Variants in MARCHF1 observed in about 807,000 individuals in gnomAD.
MARCHF1 encodes E3 ubiquitin-protein ligase MARCHF1.
In MARCHF1, 40 loss-of-function variants were observed where a neutral mutation model predicts 54.2. The ratio of observed to expected loss-of-function variants is 0.74; its 90% CI spans 0.57 to 0.96. The LOEUF is 0.96. Among genes scored for constraint, MARCHF1 ranks in the 40% least tolerant of loss-of-function variants. The pLI is 0.00. For synonymous variants in MARCHF1, 236 were observed against 236.3 expected (o/e 1.00, Z 0.01); for missense variants, 586 against 656.5 (o/e 0.89, Z 1.17).
At chr4:164,250,173 C>T (rs966567958) in intron 1 of MARCHF1, among the ~76,000 whole-genome samples, 11 of 151,890 alleles carry the variant, frequency 7.2e-5, no homozygotes, top group Admixed American at 6.6e-4. Context: ...CAGAGCAGAT[C>T]CAAGATAGAT....
At chr4:163,608,159 C>T (rs1309374151) in intron 7 of MARCHF1, among the ~76,000 whole-genome samples, 2 of 152,080 alleles carry the variant, frequency 1.3e-5, no homozygotes, top group Admixed American at 6.6e-5. Flanking sequence ...CATAATAATG[C>T]CTATATTTTA....
chr4:163,620,596 CACACACACACAGAGAGAGAGAGAGAGAG>C (rs1455798106), intron 5 of MARCHF1, among the ~76,000 whole-genome samples: 3,216 of 89,006 alleles, frequency 0.036, 84 homozygotes, highest in East Asian at 0.11. Flanking sequence ...CACACACACA[CACACACACACAGAGAGAGAGAGAGAGAG>C]AGAGAGAGAG....
chr4:163,946,004 A>T (rs989812234), intron 3 of MARCHF1, among the ~76,000 whole-genome samples: 27 of 150,822 alleles, frequency 1.8e-4, no homozygotes, highest in Non-Finnish European at 3.8e-4. Context: ...AGTGCATTTA[A>T]AAAAAAAACA....
chr4:163,530,464 T>G (rs561722128), intron 9 of MARCHF1: 26 of 152,072 alleles, frequency 1.7e-4, no homozygotes, highest in African/African-American at 5.8e-4. Flanking sequence ...GCTTATCCAG[T>G]TTTTCTGAAG....
intron 1 of MARCHF1, among the ~76,000 whole-genome samples, chr4:164,152,241 G>T (rs1395505938): frequency 6.6e-6 from 1 of 152,148 alleles, no homozygotes; most frequent in East Asian, 1.9e-4. Flanking sequence ...TGATGTAGAG[G>T]AGATTACTTT....
At chr4:163,586,246 G>C (rs1740409033) in intron 7 of MARCHF1, among the ~76,000 whole-genome samples, 1 of 152,056 alleles carries the variant, frequency 6.6e-6, no homozygotes, top group African/African-American at 2.4e-5. Context: ...ACCTTGAAGG[G>C]AAAAGTAAAA....
intron 4 of MARCHF1, among the ~76,000 whole-genome samples, chr4:163,821,464 T>C (rs1283737258): frequency 6.6e-6 from 1 of 151,900 alleles, no homozygotes; most frequent in Non-Finnish European, 1.5e-5. Context: ...TAAAGACAAA[T>C]AAATTTCAAT....
intron 1 of MARCHF1, among the ~76,000 whole-genome samples, chr4:164,199,655 CACACACACACACACACACACACACACAG>C (rs1236416552): frequency 1.4e-5 from 1 of 71,716 alleles, no homozygotes; most frequent in African/African-American, 5.8e-5. Context: ...CACACACACA[CACACACACACACACACACACACACACAG>C]AGAGAGAGAG....
At chr4:163,963,904 C>A (rs768140822) in intron 3 of MARCHF1, among the ~76,000 whole-genome samples, 4 of 151,952 alleles carry the variant, frequency 2.6e-5, no homozygotes, top group African/African-American at 4.8e-5. Flanking sequence ...CTAGCTCCAG[C>A]TACAATCCCA....
intron 3 of MARCHF1, among the ~76,000 whole-genome samples, chr4:163,918,223 G>A (rs933930801): frequency 2.0e-5 from 3 of 152,028 alleles, no homozygotes; most frequent in Non-Finnish European, 2.9e-5. Context: ...TCTTATTTCC[G>A]AGCTCTGTAT....
intron 2 of MARCHF1, among the ~76,000 whole-genome samples, chr4:163,991,082 A>G (rs1752959487): frequency 6.6e-6 from 1 of 152,138 alleles, no homozygotes; most frequent in Non-Finnish European, 1.5e-5. Flanking sequence ...GAGTTATTTC[A>G]ATTAGCTTTC....
Position 164,216,706 on chromosome 4 carries a change from A to G in MARCHF1, c.-322-105044T>C, listed in dbSNP as rs560226387. Among the ~76,000 whole-genome samples the G allele has an allele frequency of 1.8e-4, 28 of 152,260 alleles. 1 individual carries two copies. The East Asian group carries it at 4.3e-3, about 23-fold the overall frequency. Reference sequence around the variant, plus strand: ...GAGCTCATACTCTGTGTTTTTACCAATTTGAAAAATAAAGGAGTTATCTAT... The same window carrying G: ...GAGCTCATACTCTGTGTTTTTACCAGTTTGAAAAATAAAGGAGTTATCTAT... On this transcript the variant is annotated intron_variant, in intron 1 of 9. Transcript: ENST00000514618.
intron 4 of MARCHF1, among the ~76,000 whole-genome samples, chr4:163,837,458 T>C (rs1033908164): frequency 2.0e-5 from 3 of 152,120 alleles, no homozygotes; most frequent in African/African-American, 7.2e-5. Context: ...AACTTAAATA[T>C]AATGACAGAG....
At chr4:163,870,419 T>C (rs970047034) in intron 3 of MARCHF1, among the ~76,000 whole-genome samples, 1 of 152,140 alleles carries the variant, frequency 6.6e-6, no homozygotes, top group Non-Finnish European at 1.5e-5. Context: ...CTGCAGAATA[T>C]ACAAGTTTTC....
chr4:164,378,437 T>A (rs1029998567), intron 1 of MARCHF1, among the ~76,000 whole-genome samples: 1 of 152,230 alleles, frequency 6.6e-6, no homozygotes, highest in Admixed American at 6.5e-5. Context: ...GCTAAGACAC[T>A]GAGAAGGAAG....
At chr4:164,273,639 T>G (rs570507671) in intron 1 of MARCHF1, among the ~76,000 whole-genome samples, 61 of 152,236 alleles carry the variant, frequency 4.0e-4, no homozygotes, top group Non-Finnish European at 6.5e-4. Context: ...AATTAACTTC[T>G]AACATACAAA....
intron 8 of MARCHF1, among the ~76,000 whole-genome samples, chr4:163,577,295 G>T (rs1483014195): frequency 1.3e-5 from 2 of 151,990 alleles, no homozygotes; most frequent in African/African-American, 4.8e-5. Flanking sequence ...TTCCCTTAGT[G>T]CTTGCTTGTT....
At chr4:164,282,183 A>G (rs932710697) in intron 1 of MARCHF1, among the ~76,000 whole-genome samples, 4 of 150,724 alleles carry the variant, frequency 2.7e-5, no homozygotes, top group African/African-American at 9.7e-5. Flanking sequence ...CCTGCCCTCA[A>G]CTACTACTTC....
chr4:164,156,188 T>C (rs895634081), intron 1 of MARCHF1, among the ~76,000 whole-genome samples: 4 of 152,184 alleles, frequency 2.6e-5, no homozygotes, highest in African/African-American at 7.2e-5. Context: ...CCCCCAGTTC[T>C]ACATTTTTAA....
Sources: allele counts gnomAD v4.1 joint callset (sites outside exome capture counted in the v4.1 genomes callset), GRCh38; gene constraint gnomAD v4.1.1; transcripts MANE v1.5; gene names NCBI Gene and HGNC (gene_info 2026-07-23, HGNC 2026-07-21).